The following NDRG1 variants were observed in gnomAD, a reference collection of about 807,000 sequenced individuals.
The protein encoded by NDRG1 is N-myc downstream regulated 1.
A neutral mutation model predicts 56.9 loss-of-function variants in NDRG1; 32 were observed. The observed-to-expected ratio is 0.56, with a 90% confidence interval of 0.42 to 0.76. The LOEUF (loss-of-function observed/expected upper bound fraction) is 0.76. Ranked by LOEUF, NDRG1 falls within the 30% of genes least tolerant of loss-of-function variation. The pLI, the probability that NDRG1 is intolerant of heterozygous loss-of-function variation, is 0.00. For synonymous variants in NDRG1, 211 were observed against 204.1 expected, an observed-to-expected ratio of 1.03 and a Z score of -0.29; for missense variants, 507 against 545.7, an observed-to-expected ratio of 0.93 and a Z score of 0.71.
rs1206452639 is a variant in NDRG1, at chr8:133,238,682, C to A, written c.*196G>T. 2 of 665,842 alleles carry A rather than the reference C, an allele frequency of 3.0e-6. No individual in the cohort carries two copies. Among genetic ancestry groups the A allele is most frequent in the Non-Finnish European group, 5.0e-6 (2 of 401,330 alleles). The allele number at this position is 665,842 out of a possible 1,614,324, so 41.2% of individuals were successfully genotyped here. ...GAGATGCTTGCTTCCTTCCTTTGGT[C>A]CACCGCCACCCCGCCTTTGGAGAGG... is the stretch of plus-strand genomic sequence containing the variant. On this transcript the variant is annotated 3_prime_UTR_variant, in exon 16 of 16. Transcript: ENST00000323851.
chr8:133,264,943 T>G, intron 3 of NDRG1: 1 of 454,154 alleles, frequency 2.2e-6, no homozygotes, highest in African/African-American at 2.0e-5. Context: ...CCCGGACTGT[T>G]TGCTCCATCT....
At chr8:133,243,206 C>T (rs755269309) in intron 14 of NDRG1, among the ~76,000 whole-genome samples, 18 of 152,244 alleles carry the variant, frequency 1.2e-4, no homozygotes, top group African/African-American at 2.4e-4. Flanking sequence ...TTTAAAAGAG[C>T]GGCTATGCTC....
chr8:133,254,705 T>A, intron 8 of NDRG1, 110 bp from the exon 9 acceptor site: 1 of 1,052,282 alleles, frequency 9.5e-7, no homozygotes, highest in Non-Finnish European at 1.4e-6. Context: ...GACTCCCCCC[T>A]ACATGCAGGC....
chr8:133,297,112 G>T (rs1858824425), intron 1 of NDRG1, 22 bp downstream of exon 1: 1 of 152,524 alleles, frequency 6.6e-6, no homozygotes, highest in African/African-American at 2.4e-5. Context: ...GTCGCGCCTG[G>T]GAGAAGAGGG....
At position 133,239,005 on chromosome 8, in the gene NDRG1, C is replaced by T. The variant is rs771613983; in HGVS notation, c.1058G>A (p.Arg353His). 19 of 1,596,368 alleles carry T rather than the reference C, an allele frequency of 1.2e-5. No individual in the cohort carries two copies. Among genetic ancestry groups the T allele is most frequent in the East Asian group, 4.5e-5 (2 of 44,262 alleles). Residue 353 changes from arginine (R) to histidine (H), a missense_variant, in exon 16 of 16, where the codon CGC becomes CAC. By Grantham distance (29) the Arg-to-His change is conservative (BLOSUM62 0). Coordinates refer to ENST00000323851, the MANE Select transcript of NDRG1 (RefSeq NM_006096.4). ...GCGGGTGCCCTCGCTGGTGTGGGAGCGGCTTCGGGTGCCCTCGCTGGTGTG... is the reference window on the plus strand; with the variant it reads ...GCGGGTGCCCTCGCTGGTGTGGGAGTGGCTTCGGGTGCCCTCGCTGGTGTG... ...RSHTSEGTRS[R>H]SHTSEGTRSR... is the part of the protein sequence containing the mutation.
chr8:133,297,010 C>CT (rs1187257636), intron 1 of NDRG1, 124 bp downstream of exon 1: 1 of 160,926 alleles, frequency 6.2e-6, no homozygotes, highest in Non-Finnish European at 1.4e-5. Context: ...GCACTTGCAG[C>CT]TCCGGGGCGC....
chr8:133,241,730 C>T (rs1588220007), intron 15 of NDRG1: 12 of 525,932 alleles, frequency 2.3e-5, no homozygotes, highest in South Asian at 4.6e-5. Context: ...TATTGTTTCA[C>T]TGTTGGTCAT....
At chr8:133,239,311 G>T in intron 15 of NDRG1, 192 bp from the exon 16 acceptor site, 1 of 896,212 alleles carries the variant, frequency 1.1e-6, no homozygotes, top group Non-Finnish European at 1.7e-6. Flanking sequence ...GCCCAGATGC[G>T]GGAAGGAACT....
At chr8:133,283,850 C>T (rs1268739037) in intron 2 of NDRG1, among the ~76,000 whole-genome samples, 3 of 152,210 alleles carry the variant, frequency 2.0e-5, no homozygotes, top group African/African-American at 7.2e-5. Context: ...CTATGGGCAA[C>T]TGGGCCCCAT....
rs1855171837 is a variant in NDRG1, at chr8:133,238,304, A to C, written c.*574T>G. On this transcript the variant is annotated 3_prime_UTR_variant, in exon 16 of 16. Coordinates refer to ENST00000323851, the MANE Select transcript of NDRG1 (RefSeq NM_006096.4). ...ATCGGTTTCTTCAAGTTAACTACGT[A>C]GATTTGTTGTTCCAAATGCCTCTAG... 4.3e-6 allele frequency: 1 copy of C among 232,966 alleles called. No homozygotes were observed. The highest frequency in any genetic ancestry group is 1.8e-4 in the South Asian group (1 of 5,536). The allele number at this position is 232,966 out of a possible 1,614,324, so 14.4% of individuals were successfully genotyped here.
intron 1 of NDRG1, among the ~76,000 whole-genome samples, chr8:133,289,544 TGAGGGCCCAA>T (rs371760223): frequency 3.2e-4 from 49 of 152,206 alleles, no homozygotes; most frequent in African/African-American, 1.2e-3. Context: ...CAATGAGTAA[TGAGGGCCCAA>T]GAGGGGCTAC....
At chr8:133,267,852 G>A (rs1856996665) in intron 3 of NDRG1, among the ~76,000 whole-genome samples, 1 of 152,162 alleles carries the variant, frequency 6.6e-6, no homozygotes, top group Admixed American at 6.5e-5. Flanking sequence ...GGAGTCACCT[G>A]CACGGAGCCC....
chr8:133,247,117 G>C (rs1466557939), intron 12 of NDRG1, among the ~76,000 whole-genome samples: 1 of 152,128 alleles, frequency 6.6e-6, no homozygotes, highest in Non-Finnish European at 1.5e-5. Context: ...CTTGAAAGGG[G>C]CATCTGGAAT....
intron 3 of NDRG1, among the ~76,000 whole-genome samples, chr8:133,274,130 A>G (rs1261964088): frequency 6.6e-6 from 1 of 152,156 alleles, no homozygotes; most frequent in African/African-American, 2.4e-5. Flanking sequence ...CTTTGCCCGA[A>G]CATCACCCAG....
At chr8:133,243,566 C>G (rs185271380) in intron 14 of NDRG1, among the ~76,000 whole-genome samples, 6 of 152,340 alleles carry the variant, frequency 3.9e-5, no homozygotes, top group African/African-American at 1.4e-4. Context: ...ATTGCTCCCC[C>G]CTGTGCTGGT....
At chr8:133,275,402 G>A (rs1477434033) in intron 3 of NDRG1, among the ~76,000 whole-genome samples, 3 of 152,172 alleles carry the variant, frequency 2.0e-5, no homozygotes, top group Middle Eastern at 3.2e-3. Context: ...CAGCTTACAG[G>A]AATAACACAT....
intron 2 of NDRG1, among the ~76,000 whole-genome samples, chr8:133,283,107 C>T (rs1411017543): frequency 6.6e-6 from 1 of 152,178 alleles, no homozygotes; most frequent in Admixed American, 6.5e-5. Flanking sequence ...GTCCGCTGGC[C>T]TGGGTTTGAT....
intron 2 of NDRG1, among the ~76,000 whole-genome samples, chr8:133,282,346 A>G (rs1857856605): frequency 6.6e-6 from 1 of 152,268 alleles, no homozygotes; most frequent in African/African-American, 2.4e-5. Context: ...AAGGCTGGAA[A>G]GACACATGTG....
chr8:133,286,019 T>C (rs200819389), intron 1 of NDRG1, among the ~76,000 whole-genome samples: 1 of 152,148 alleles, frequency 6.6e-6, no homozygotes, highest in Non-Finnish European at 1.5e-5. Flanking sequence ...AGGAGCTTCT[T>C]AGCATACCCT....
Sources: allele counts gnomAD v4.1 joint callset (sites outside exome capture counted in the v4.1 genomes callset), GRCh38; gene constraint gnomAD v4.1.1; transcripts MANE v1.5; gene names NCBI Gene and HGNC (gene_info 2026-07-23, HGNC 2026-07-21).